Variants in RLF observed in about 807,000 individuals in gnomAD.
The protein encoded by RLF is RLF zinc finger, also known as zinc finger protein Rlf.
Under a neutral mutation model 162.9 loss-of-function variants are expected in RLF, and 7 were observed. That is an observed-to-expected ratio of 0.04 (90% confidence interval 0.02 to 0.08). RLF has a LOEUF of 0.08. RLF is among the 10% of genes least tolerant of loss of function. The probability of loss-of-function intolerance (pLI) is 1.00; values close to 1 mark genes in which losing one functional copy is unlikely to be tolerated. For missense variants in RLF, 1,664 were observed against 2,244.7 expected, an observed-to-expected ratio of 0.74 and a Z score of 5.23; for synonymous variants, 782 against 791.5, an observed-to-expected ratio of 0.99 and a Z score of 0.20.
Position 40,181,985 on chromosome 1 carries a change from G to A in RLF, c.238-7070G>A, listed in dbSNP as rs992579358. ...TTTTATATATAATACTGCAAAGTTA[G>A]AAGACATTATGTCCATAAATAAATA... On this transcript the variant is annotated intron_variant, in intron 1 of 7. Coordinates refer to ENST00000372771, the MANE Select transcript of RLF (RefSeq NM_012421.4). Among the ~76,000 whole-genome samples the A allele has an allele frequency of 6.4e-4, 97 of 152,228 alleles. 1 individual carries two copies. The highest frequency in any genetic ancestry group is 1.6e-4 in the Non-Finnish European group (11 of 68,020).
chr1:40,235,795 C>G lies in RLF; in HGVS notation c.1093C>G (p.Gln365Glu), dbSNP rs1342258469. 1 of 1,542,178 alleles carries G rather than the reference C, an allele frequency of 6.5e-7. No individual in the cohort carries two copies. The highest frequency in any genetic ancestry group is 8.7e-7 in the Non-Finnish European group (1 of 1,148,414). Residue 365 changes from glutamine to glutamate, a missense_variant, in exon 8 of 8, where the codon CAA becomes GAA. Physicochemically the swap from Gln to Glu is conservative, Grantham distance 29. Around this residue, in one of 15 missense-constraint regions of RLF, gnomAD observed 287 missense variants for 404.9 expected, o/e 0.71. Coordinates refer to ENST00000372771, the MANE Select transcript of RLF (RefSeq NM_012421.4). ...CLIRVIQTEA[Q>E]DAGLGVSILL... ...TTTTATCCTCTTTTACTTACAGGCA[C>G]AAGATGCTGGTCTTGGGGTGTCAAT...
rs544518568 is a variant in RLF, at chr1:40,231,967, G to A, written c.1089+309G>A. Among the ~76,000 whole-genome samples the A allele has an allele frequency of 6.5e-4, 99 of 152,254 alleles. 1 individual carries two copies. Among genetic ancestry groups the A allele is most frequent in the African/African-American group, 2.4e-3 (98 of 41,572 alleles). ...TCAAGCCTGTAATCCCAGCACTTTG[G>A]GAGGCCAAGGCGGGTGGATTACTTG... On this transcript the variant is annotated intron_variant, in intron 7 of 7. Transcript: ENST00000372771.
chr1:40,171,009 T>C (rs1642236557), intron 1 of RLF, among the ~76,000 whole-genome samples: 1 of 138,822 alleles, frequency 7.2e-6, no homozygotes, highest in African/African-American at 2.9e-5. Flanking sequence ...TTTGATAGTG[T>C]TTTTGTTTGT....
intron 6 of RLF, among the ~76,000 whole-genome samples, chr1:40,226,591 G>A (rs767408912): frequency 6.6e-6 from 1 of 152,176 alleles, no homozygotes; most frequent in Non-Finnish European, 1.5e-5. Context: ...TAAGTAACTG[G>A]CGAAGACTAG....
intron 1 of RLF, among the ~76,000 whole-genome samples, chr1:40,165,878 C>A (rs1290954056): frequency 6.6e-6 from 1 of 152,126 alleles, no homozygotes; most frequent in African/African-American, 2.4e-5. Context: ...TTTTCCCAGC[C>A]TCATTAAAAA....
intron 6 of RLF, among the ~76,000 whole-genome samples, chr1:40,230,986 A>G (rs768677176): frequency 9.2e-5 from 14 of 152,102 alleles, no homozygotes; most frequent in Non-Finnish European, 1.2e-4. Context: ...AAAAAGTGCC[A>G]TTTTACTTAT....
At chr1:40,193,096 C>G (rs1438848132) in intron 3 of RLF, among the ~76,000 whole-genome samples, 1 of 114,834 alleles carries the variant, frequency 8.7e-6, no homozygotes, top group Non-Finnish European at 1.7e-5. Context: ...CAAGAGTGAA[C>G]ATCTTGAAAA....
chr1:40,201,284 A>G (rs1158793273), intron 4 of RLF, among the ~76,000 whole-genome samples: 1 of 151,802 alleles, frequency 6.6e-6, no homozygotes, highest in Non-Finnish European at 1.5e-5. Flanking sequence ...TTCTTTAAGT[A>G]ATACTATGTA....
intron 5 of RLF, among the ~76,000 whole-genome samples, chr1:40,206,173 T>G (rs780548875): frequency 9.2e-5 from 14 of 152,208 alleles, no homozygotes; most frequent in Non-Finnish European, 1.5e-4. Context: ...TGGACTTTGC[T>G]TTTATGAGGG....
chr1:40,201,180 C>G (rs190937742), intron 4 of RLF, among the ~76,000 whole-genome samples: 2 of 149,130 alleles, frequency 1.3e-5, no homozygotes, highest in East Asian at 2.0e-4. Context: ...GTGATCTAGG[C>G]ACTTTCAAGT....
At chr1:40,164,953 C>T (rs552530061) in intron 1 of RLF, among the ~76,000 whole-genome samples, 2 of 152,114 alleles carry the variant, frequency 1.3e-5, no homozygotes, top group Non-Finnish European at 2.9e-5. Context: ...AGTACAAGGG[C>T]TCTGAGTCAG....
intron 6 of RLF, among the ~76,000 whole-genome samples, chr1:40,228,015 T>G (rs1370613512): frequency 2.7e-5 from 4 of 150,620 alleles, no homozygotes; most frequent in Non-Finnish European, 5.9e-5. Flanking sequence ...GGGAAAAAAT[T>G]TATTTGAGCC....
At chr1:40,230,491 G>C (rs1044591054) in intron 6 of RLF, among the ~76,000 whole-genome samples, 4 of 151,974 alleles carry the variant, frequency 2.6e-5, no homozygotes, top group African/African-American at 9.7e-5. Context: ...GAGTGCAGTG[G>C]CGCTATCTCA....
chr1:40,178,674 T>G (rs2124529435), intron 1 of RLF, among the ~76,000 whole-genome samples: 1 of 143,044 alleles, frequency 7.0e-6, no homozygotes, highest in South Asian at 2.3e-4. Flanking sequence ...TGCTATGGTC[T>G]TTTTTGTTTT....
chr1:40,190,907 T>A, intron 3 of RLF, 54 bp downstream of exon 3: 2 of 1,073,910 alleles, frequency 1.9e-6, no homozygotes, highest in Non-Finnish European at 2.8e-6. Context: ...CCTAATTAAT[T>A]ACTCCCAGCA....
At position 40,239,343 on chromosome 1, in the gene RLF, A is replaced by G. The variant is rs1044739; in HGVS notation, c.4641A>G (p.Thr1547=). The G allele has an allele frequency of 6.2e-7, 1 of 1,614,110 alleles. No homozygotes were observed. The highest frequency in any genetic ancestry group is 8.5e-7 in the Non-Finnish European group (1 of 1,180,030). ...TGTGTGTGGAGCACTCTGAGCACACACAGTACCCCTGCATGGTTCAAGGAT... is the reference window on the plus strand; with the variant it reads ...TGTGTGTGGAGCACTCTGAGCACACGCAGTACCCCTGCATGGTTCAAGGAT... ...LHMCVEHSEH[T]QYPCMVQGCL... Residue 1547 remains threonine (T), a synonymous_variant, in exon 8 of 8, where the codon ACA becomes ACG. Coordinates refer to ENST00000372771, the MANE Select transcript of RLF (RefSeq NM_012421.4).
chr1:40,237,378 T>A lies in RLF; in HGVS notation c.2676T>A (p.Ser892Arg). The part of the protein sequence containing the change: ...TETAENLKEN[S>R]DSNSSDQLSH... ...CTGCAGAAAACCTGAAAGAAAACAGTGACAGTAATTCTAGTGATCAGTTAA... is the reference window on the plus strand; with the variant it reads ...CTGCAGAAAACCTGAAAGAAAACAGAGACAGTAATTCTAGTGATCAGTTAA... The change falls in exon 8 of 8, where the codon AGT (serine) becomes AGA (arginine). Residue 892 changes from serine to arginine, a missense_variant. Transcript: ENST00000372771. The surrounding 1 kb of genome is among the most constrained non-coding windows in gnomAD (Gnocchi z 4.4). 6.2e-7 allele frequency: 1 copy of A among 1,613,832 alleles called. No homozygotes were observed. Among genetic ancestry groups the A allele is most frequent in the Non-Finnish European group, 8.5e-7 (1 of 1,179,946 alleles).
At chr1:40,205,913 A>C (rs1247381234) in intron 5 of RLF, among the ~76,000 whole-genome samples, 3 of 151,842 alleles carry the variant, frequency 2.0e-5, no homozygotes, top group African/African-American at 7.3e-5. Flanking sequence ...TCTCAGTTCT[A>C]CTTTGCTGTC....
intron 1 of RLF, among the ~76,000 whole-genome samples, chr1:40,168,790 G>A (rs1374733283): frequency 1.3e-5 from 2 of 151,522 alleles, no homozygotes; most frequent in Admixed American, 6.6e-5. Context: ...TCAGGAGTTC[G>A]AGACCAGCCT....
Sources: allele counts gnomAD v4.1 joint callset (sites outside exome capture counted in the v4.1 genomes callset), GRCh38; gene constraint gnomAD v4.1.1; regional missense constraint gnomAD v4.1.1; non-coding constraint Gnocchi (gnomAD v3.1); transcripts MANE v1.5; gene names NCBI Gene and HGNC (gene_info 2026-07-23, HGNC 2026-07-21).